FAF1: variants seen among roughly 807,000 people sequenced by gnomAD.
FAF1 encodes the protein Fas associated factor 1, also known as FAS-associated factor 1.
A neutral mutation model predicts 92.5 loss-of-function variants in FAF1; 25 were observed. That is an observed-to-expected ratio of 0.27 (90% confidence interval 0.20 to 0.38). FAF1 has a LOEUF of 0.38. Ranked by LOEUF, FAF1 falls within the 10% of genes least tolerant of loss-of-function variation. FAF1 has a pLI of 1.00. For missense variants in FAF1, 636 were observed against 793.3 expected (o/e 0.80, Z 2.38); for synonymous variants, 234 against 273.2 (o/e 0.86, Z 1.42).
At chr1:50,503,853 A>C (rs751351824) in intron 15 of FAF1, among the ~76,000 whole-genome samples, 2 of 152,172 alleles carry the variant, frequency 1.3e-5, no homozygotes, top group Non-Finnish European at 2.9e-5. Context: ...TGCTGACAGA[A>C]AGTTCAGTGG....
chr1:50,775,622 TG>T (rs1441336594), intron 4 of FAF1, among the ~76,000 whole-genome samples: 1 of 152,000 alleles, frequency 6.6e-6, no homozygotes, highest in Non-Finnish European at 1.5e-5. Flanking sequence ...CATGAGGAGA[TG>T]CGTGTTTTAG....
chr1:50,778,157 A>G (rs1661031762), intron 4 of FAF1, among the ~76,000 whole-genome samples: 1 of 152,236 alleles, frequency 6.6e-6, no homozygotes, highest in East Asian at 1.9e-4. Flanking sequence ...GAGTGAAAGA[A>G]GTTAAACACA....
intron 11 of FAF1, 79 bp from the exon 12 acceptor site, chr1:50,582,778 T>C: frequency 1.1e-6 from 1 of 907,014 alleles, no homozygotes; most frequent in Non-Finnish European, 1.8e-6. Context: ...CAATGACTTT[T>C]AAGTAAATGT....
chr1:50,933,686 C>A (rs1645065831), intron 1 of FAF1, among the ~76,000 whole-genome samples: 1 of 152,194 alleles, frequency 6.6e-6, no homozygotes, highest in Non-Finnish European at 1.5e-5. Context: ...CCCCACTGTA[C>A]TGATATCAAT....
At chr1:50,452,139 G>A in intron 18 of FAF1, 1 of 1,350,106 alleles carries the variant, frequency 7.4e-7, no homozygotes, top group South Asian at 1.1e-5. Flanking sequence ...AACATAAAAT[G>A]AATATACAAA....
At chr1:50,666,365 C>G (rs1040333974) in intron 7 of FAF1, among the ~76,000 whole-genome samples, 3 of 151,932 alleles carry the variant, frequency 2.0e-5, no homozygotes, top group Non-Finnish European at 4.4e-5. Flanking sequence ...TACCACCACA[C>G]CTGGGTAATT....
chr1:50,450,593 C>T (rs1646283307), intron 18 of FAF1, among the ~76,000 whole-genome samples: 1 of 152,324 alleles, frequency 6.6e-6, no homozygotes, highest in African/African-American at 2.4e-5. Flanking sequence ...CAAACAGGAA[C>T]TCAAGCTGTC....
chr1:50,474,017 C>A (rs750600198), intron 18 of FAF1, among the ~76,000 whole-genome samples: 1 of 152,152 alleles, frequency 6.6e-6, no homozygotes, highest in African/African-American at 2.4e-5. Flanking sequence ...AATCCCTCTC[C>A]ATATATATAT....
chr1:50,761,078 G>C (rs1660306659), intron 4 of FAF1, among the ~76,000 whole-genome samples: 1 of 152,154 alleles, frequency 6.6e-6, no homozygotes, highest in African/African-American at 2.4e-5. Context: ...AAATAAACTA[G>C]AAAATCTAGA....
chr1:50,738,383 C>T (rs912800597), intron 6 of FAF1, among the ~76,000 whole-genome samples: 5 of 139,130 alleles, frequency 3.6e-5, no homozygotes, highest in Admixed American at 3.1e-4. Context: ...GCAGAGGTTG[C>T]GGTGAGCCAA....
chr1:50,707,713 GAAAAGAA>G (rs1385979548), intron 6 of FAF1, among the ~76,000 whole-genome samples: 4 of 147,356 alleles, frequency 2.7e-5, no homozygotes, highest in Admixed American at 6.7e-5. Flanking sequence ...AAAGAAAAAA[GAAAAGAA>G]AAAAGAAAAA....
chr1:50,873,449 C>T (rs569786814), intron 1 of FAF1, among the ~76,000 whole-genome samples: 1 of 152,284 alleles, frequency 6.6e-6, no homozygotes, highest in Non-Finnish European at 1.5e-5. Context: ...AATGTACACG[C>T]CAGGCTTTTA....
chr1:50,489,011 ATCTTT>A (rs1200406876), intron 17 of FAF1, among the ~76,000 whole-genome samples: 6 of 152,198 alleles, frequency 3.9e-5, no homozygotes, highest in African/African-American at 1.4e-4. Flanking sequence ...AGTTTCACTT[ATCTTT>A]TAAGACCTGA....
chr1:50,498,473 A>G (rs1488368658), intron 15 of FAF1, among the ~76,000 whole-genome samples: 1 of 152,228 alleles, frequency 6.6e-6, no homozygotes, highest in Non-Finnish European at 1.5e-5. Context: ...ATGGAAGAAA[A>G]TATTTGCACG....
chr1:50,738,721 C>T, intron 6 of FAF1, 142 bp downstream of exon 6: 1 of 590,974 alleles, frequency 1.7e-6, no homozygotes, highest in East Asian at 2.9e-5. Context: ...CTGTTTCAAA[C>T]CTGATATACT....
chr1:50,552,989 G>A (rs993000912), intron 13 of FAF1, among the ~76,000 whole-genome samples: 4 of 152,186 alleles, frequency 2.6e-5, no homozygotes, highest in Admixed American at 2.6e-4. Flanking sequence ...CAAGGGTACA[G>A]GCATACAGAA....
chr1:50,526,731 C>T (rs781581190), intron 15 of FAF1, among the ~76,000 whole-genome samples: 1 of 152,118 alleles, frequency 6.6e-6, no homozygotes, highest in Non-Finnish European at 1.5e-5. Context: ...ATGGTAACTA[C>T]ATTTAATCAA....
At chr1:50,506,700 G>C (rs190384461) in intron 15 of FAF1, among the ~76,000 whole-genome samples, 63 of 152,244 alleles carry the variant, frequency 4.1e-4, no homozygotes, top group African/African-American at 1.3e-3. Flanking sequence ...GGTAGTGAAT[G>C]CTTACTATAC....
At chr1:50,877,420 A>T (rs1413107324) in intron 1 of FAF1, among the ~76,000 whole-genome samples, 1 of 152,228 alleles carries the variant, frequency 6.6e-6, no homozygotes, top group Non-Finnish European at 1.5e-5. Context: ...CTAACACAGA[A>T]GGAGGAGCCT....
Sources: allele counts gnomAD v4.1 joint callset (sites outside exome capture counted in the v4.1 genomes callset), GRCh38; gene constraint gnomAD v4.1.1; transcripts MANE v1.5; gene names NCBI Gene and HGNC (gene_info 2026-07-23, HGNC 2026-07-21).